The following OPRD1 variants were observed in gnomAD, a reference collection of about 807,000 sequenced individuals.
OPRD1 encodes opioid receptor delta 1.
In OPRD1, 19 loss-of-function variants were observed where a neutral mutation model predicts 17.5. That is an observed-to-expected ratio of 1.09 (90% CI 0.76 to 1.60). OPRD1 has a LOEUF of 1.60. OPRD1 is among the 40% of genes most tolerant of loss of function. OPRD1 has a pLI of 0.00. For missense variants in OPRD1, 483 were observed against 547.2 expected, an observed-to-expected ratio of 0.88 and a Z score of 1.17; for synonymous variants, 256 against 240.9, an observed-to-expected ratio of 1.06 and a Z score of -0.58.
chr1:28,851,246 T>A (rs985949191), intron 1 of OPRD1, among the ~76,000 whole-genome samples: 4 of 151,952 alleles, frequency 2.6e-5, no homozygotes, highest in Admixed American at 6.6e-5. Flanking sequence ...ATCAGAATGG[T>A]TTTAGATGCT....
chr1:28,817,898 G>A (rs950714949), intron 1 of OPRD1, among the ~76,000 whole-genome samples: 9 of 146,228 alleles, frequency 6.2e-5, no homozygotes, highest in South Asian at 2.3e-4. Flanking sequence ...AGAGATGGGC[G>A]GGGCGGGGGG....
chr1:28,857,739 T>C (rs1210065667), intron 1 of OPRD1, among the ~76,000 whole-genome samples: 1 of 152,192 alleles, frequency 6.6e-6, no homozygotes, highest in Non-Finnish European at 1.5e-5. Flanking sequence ...TGCCCTGCCT[T>C]GGCCCCCCAA....
At chr1:28,821,729 A>C (rs114895451) in intron 1 of OPRD1, among the ~76,000 whole-genome samples, 2 of 152,146 alleles carry the variant, frequency 1.3e-5, no homozygotes, top group African/African-American at 4.8e-5. Flanking sequence ...AATTTCCAAT[A>C]TTATGCCAAT....
In OPRD1 at chr1:28,812,458, C is replaced by T; in HGVS notation, c.75C>T (p.Ser25=). Residue 25 remains serine, a synonymous_variant, in exon 1 of 3, where the codon AGC becomes AGT. Transcript: ENST00000234961. ...LFANASDAYP[S]ACPSAGANAS... The stretch of plus-strand genomic sequence containing the variant: ...CCAACGCCTCGGACGCCTACCCTAG[C>T]GCCTGCCCCAGCGCTGGCGCCAATG... 6.6e-7 allele frequency: 1 copy of T among 1,519,448 alleles called. No individual in the cohort carries two copies. The highest frequency in any genetic ancestry group is 8.8e-7 in the Non-Finnish European group (1 of 1,140,644). The allele number at this position is 1,519,448 out of a possible 1,614,324, so 94.1% of individuals were successfully genotyped here.
chr1:28,823,784 C>T (rs1440557286), intron 1 of OPRD1, among the ~76,000 whole-genome samples: 1 of 151,734 alleles, frequency 6.6e-6, no homozygotes, highest in Non-Finnish European at 1.5e-5. Flanking sequence ...CCCACCCGGC[C>T]TCCCAAAGTG....
At chr1:28,851,626 C>G (rs1229507046) in intron 1 of OPRD1, among the ~76,000 whole-genome samples, 3 of 152,174 alleles carry the variant, frequency 2.0e-5, no homozygotes, top group South Asian at 4.1e-4. Flanking sequence ...AATCCCAGCA[C>G]TTTGGGAGGC....
In OPRD1 at chr1:28,864,470, A is replaced by T. The variant is rs1263555497; in HGVS notation, c.*1187A>T. The stretch of plus-strand genomic sequence containing the variant: ...AATAAGACAGGACCTTGGTTGGAGT[A>T]GGGTCCCCAGAACTGAGTACTAATG... On this transcript the variant is annotated 3_prime_UTR_variant, in exon 3 of 3. Coordinates refer to ENST00000234961, the MANE Select transcript of OPRD1 (RefSeq NM_000911.4). 1 of 151,680 alleles carries T rather than the reference A, an allele frequency of 6.6e-6. No homozygotes were observed. Among genetic ancestry groups the T allele is most frequent in the Non-Finnish European group, 1.5e-5 (1 of 67,986 alleles). 9.4% of individuals were successfully genotyped at this position (151,680 alleles called of 1,614,324 possible). A position where few individuals can be genotyped will look rare whatever the true frequency, so the allele number is the denominator to read the frequency against.
chr1:28,858,714 T>G (rs2089081949), intron 1 of OPRD1, among the ~76,000 whole-genome samples: 1 of 151,756 alleles, frequency 6.6e-6, no homozygotes, highest in Non-Finnish European at 1.5e-5. Context: ...CCCAGCTAAT[T>G]TTTGTATTTT....
intron 2 of OPRD1, among the ~76,000 whole-genome samples, chr1:28,860,613 C>G (rs1448559918): frequency 1.3e-5 from 2 of 152,160 alleles, no homozygotes; most frequent in East Asian, 3.8e-4. Flanking sequence ...AATGATTAAG[C>G]CTGTGAGATA....
chr1:28,813,068 T>G (rs1353378946), intron 1 of OPRD1, among the ~76,000 whole-genome samples: 1 of 151,792 alleles, frequency 6.6e-6, no homozygotes, highest in African/African-American at 2.4e-5. Flanking sequence ...GACAGGAGGG[T>G]GCTGGGTGTC....
chr1:28,860,566 T>C (rs2089105933), intron 2 of OPRD1, among the ~76,000 whole-genome samples: 2 of 152,200 alleles, frequency 1.3e-5, no homozygotes, highest in Admixed American at 1.3e-4. Flanking sequence ...GGACAAGTCC[T>C]GGCTCATCGC....
chr1:28,832,330 G>A (rs544740345), intron 1 of OPRD1, among the ~76,000 whole-genome samples: 1 of 152,296 alleles, frequency 6.6e-6, no homozygotes, highest in African/African-American at 2.4e-5. Context: ...TAAAGGCCAA[G>A]CTCAGTGGCT....
At chr1:28,834,621 C>T (rs2088834921) in intron 1 of OPRD1, among the ~76,000 whole-genome samples, 1 of 152,014 alleles carries the variant, frequency 6.6e-6, no homozygotes, top group Non-Finnish European at 1.5e-5. Flanking sequence ...CTCAAGTGAT[C>T]CTCCCACCTC....
intron 1 of OPRD1, among the ~76,000 whole-genome samples, chr1:28,819,820 A>G (rs2088697559): frequency 6.6e-6 from 1 of 152,142 alleles, no homozygotes; most frequent in Non-Finnish European, 1.5e-5. Flanking sequence ...GGGATGGGGT[A>G]GAGGGTAGAT....
chr1:28,838,196 C>T lies in OPRD1; in HGVS notation c.228-20758C>T, dbSNP rs544587566. Among the ~76,000 whole-genome samples the T allele has an allele frequency of 1.9e-3, 282 of 152,112 alleles. 1 individual carries two copies. The highest frequency in any genetic ancestry group is 3.4e-3 in the Middle Eastern group (1 of 294). ...GAGATGGTTCCATTCATGGACCTAC[C>T]CTATGCTGGTTAATCACTAGACACA... On this transcript the variant is annotated intron_variant, in intron 1 of 2. Coordinates refer to ENST00000234961, the MANE Select transcript of OPRD1 (RefSeq NM_000911.4).
In OPRD1 at chr1:28,863,254, G is replaced by A. The variant is rs1303012287; in HGVS notation, c.1090G>A (p.Asp364Asn). 9.3e-6 allele frequency: 14 copies of A among 1,509,100 alleles called. No individual in the cohort carries two copies. The highest frequency in any genetic ancestry group is 1.8e-4 in the Middle Eastern group (1 of 5,686). 93.5% of individuals were successfully genotyped at this position (1,509,100 alleles called of 1,614,324 possible). A position where few individuals can be genotyped will look rare whatever the true frequency, so the allele number is the denominator to read the frequency against. Reference protein sequence around the residue: ...RERVTACTPSDGPGGGAAA With the variant: ...RERVTACTPSNGPGGGAAA ...GCGTGTCACCGCCTGCACCCCGTCC[G>A]ATGGTCCCGGCGGTGGCGCTGCCGC... is the stretch of plus-strand genomic sequence containing the variant. Residue 364 changes from aspartate (D) to asparagine (N), a missense_variant, in exon 3 of 3, where the codon GAT (aspartate) becomes AAT (asparagine). Physicochemically the swap from Asp to Asn is conservative, Grantham distance 23. Transcript: ENST00000234961.
At chr1:28,850,237 C>G (rs1481083028) in intron 1 of OPRD1, among the ~76,000 whole-genome samples, 8 of 151,992 alleles carry the variant, frequency 5.3e-5, no homozygotes, top group Admixed American at 5.2e-4. Context: ...GCCTGTAATC[C>G]TAGAACTTTG....
chr1:28,842,311 G>A (rs1237326110), intron 1 of OPRD1, among the ~76,000 whole-genome samples: 1 of 152,252 alleles, frequency 6.6e-6, no homozygotes, highest in Non-Finnish European at 1.5e-5. Flanking sequence ...CCACAGGCAT[G>A]AGCCACTGCA....
chr1:28,821,633 A>G (rs989512532), intron 1 of OPRD1, among the ~76,000 whole-genome samples: 2 of 152,230 alleles, frequency 1.3e-5, no homozygotes, highest in African/African-American at 4.8e-5. Flanking sequence ...TTAACATTAT[A>G]TGTTAAGCAT....
Sources: allele counts gnomAD v4.1 joint callset (sites outside exome capture counted in the v4.1 genomes callset), GRCh38; gene constraint gnomAD v4.1.1; transcripts MANE v1.5; gene names NCBI Gene and HGNC (gene_info 2026-07-23, HGNC 2026-07-21).